KHDRBS2: variants seen among roughly 807,000 people sequenced by gnomAD.
KHDRBS2 encodes the protein KH RNA binding domain containing, signal transduction associated 2.
In KHDRBS2, 26 loss-of-function variants were observed where a neutral mutation model predicts 44.3. The observed-to-expected ratio is 0.59, with a 90% confidence interval of 0.43 to 0.81. KHDRBS2 has a LOEUF of 0.81. Ranked by LOEUF, KHDRBS2 falls within the 40% of genes least tolerant of loss-of-function variation. KHDRBS2 has a pLI of 0.00. For missense variants in KHDRBS2, 476 were observed against 433.1 expected (o/e 1.10, Z -0.88); for synonymous variants, 194 against 151.1 (o/e 1.28, Z -2.08).
intron 7 of KHDRBS2, among the ~76,000 whole-genome samples, chr6:61,699,002 C>T (rs146120833): frequency 6.6e-6 from 1 of 152,190 alleles, no homozygotes; most frequent in Non-Finnish European, 1.5e-5. Context: ...TAAACAAACA[C>T]ACAAACACCC....
chr6:61,642,338 A>G, the KHDRBS2 span, among the ~76,000 whole-genome samples: 5 of 152,084 alleles, frequency 3.3e-5, no homozygotes, highest in Non-Finnish European at 7.4e-5. Context: ...ACTGAAATAC[A>G]TAACTCTTCA....
intron 2 of KHDRBS2, among the ~76,000 whole-genome samples, chr6:62,108,142 T>C (rs1803966480): frequency 6.6e-6 from 1 of 151,876 alleles, no homozygotes; most frequent in Non-Finnish European, 1.5e-5. Flanking sequence ...GAAACTACCA[T>C]CAGAGTGAAC....
At chr6:61,570,645 G>GA in the KHDRBS2 span, among the ~76,000 whole-genome samples, 7 of 152,090 alleles carry the variant, frequency 4.6e-5, no homozygotes, top group East Asian at 5.8e-4. Context: ...CAAGATGAAG[G>GA]AAATAATTTA....
chr6:61,832,296 A>C (rs1371650220), intron 6 of KHDRBS2, among the ~76,000 whole-genome samples: 1 of 152,172 alleles, frequency 6.6e-6, no homozygotes, highest in African/African-American at 2.4e-5. Context: ...TATCACAATA[A>C]ATATATGTTT....
chr6:62,147,429 T>C (rs1364659910), intron 2 of KHDRBS2, among the ~76,000 whole-genome samples: 2 of 151,888 alleles, frequency 1.3e-5, no homozygotes, highest in Non-Finnish European at 2.9e-5. Context: ...AGAGAAAACA[T>C]ACCACTTCCC....
At chr6:61,912,950 T>A (rs1806318854) in intron 4 of KHDRBS2, among the ~76,000 whole-genome samples, 1 of 152,166 alleles carries the variant, frequency 6.6e-6, no homozygotes, top group South Asian at 2.1e-4. Flanking sequence ...TCTCTTGGAA[T>A]CACTCTCAAT....
At position 62,007,729 on chromosome 6, in the gene KHDRBS2, G is replaced by A. The variant is rs147472673; in HGVS notation, c.337-29517C>T. Among the ~76,000 whole-genome samples the A allele has an allele frequency of 3.1e-3, 476 of 152,100 alleles. 8 individuals carry two copies. The highest frequency in any genetic ancestry group is 0.029 in the Admixed American group (440 of 15,262). The stretch of plus-strand genomic sequence containing the variant: ...GAAATTTAGTGGCTGAAAAATAGAT[G>A]TATAGTCAACGAGGAGGCTTTTCAC... On this transcript the variant is annotated intron_variant, in intron 3 of 8. Transcript: ENST00000281156.
intron 6 of KHDRBS2, among the ~76,000 whole-genome samples, chr6:61,812,407 G>T (rs1562230463): frequency 6.6e-6 from 1 of 152,058 alleles, no homozygotes; most frequent in Non-Finnish European, 1.5e-5. Context: ...CTTATTAAAT[G>T]CCAGACCTTT....
chr6:62,063,894 C>T (rs1317507283), intron 2 of KHDRBS2, among the ~76,000 whole-genome samples: 2 of 136,526 alleles, frequency 1.5e-5, no homozygotes, highest in Non-Finnish European at 3.1e-5. Flanking sequence ...TTGTCTCAGC[C>T]CAAAATCTCC....
At position 61,940,230 on chromosome 6, in the gene KHDRBS2, T is replaced by C. The variant is rs1811867349; in HGVS notation, c.483+37836A>G. On this transcript the variant is annotated intron_variant, in intron 4 of 8. Transcript: ENST00000281156. ...AAGGTCTTTGAAAATAGTGTAGTGG[T>C]AAATAAAAGTTCAAAAAAAAAAAAG... 2.3e-5 allele frequency among the ~76,000 whole-genome samples: 3 copies of C among 132,872 alleles called. No homozygotes were observed. The South Asian group carries it at 7.1e-4, about 31-fold the overall frequency. 87.2% of individuals were successfully genotyped at this position (132,872 alleles called of 152,430 possible).
At chr6:61,739,860 A>G (rs1775905358) in intron 6 of KHDRBS2, among the ~76,000 whole-genome samples, 1 of 151,978 alleles carries the variant, frequency 6.6e-6, no homozygotes, top group Non-Finnish European at 1.5e-5. Context: ...AAAAGAGCAC[A>G]GATTCTAACA....
At chr6:61,592,041 A>T in the KHDRBS2 span, among the ~76,000 whole-genome samples, 1 of 151,828 alleles carries the variant, frequency 6.6e-6, no homozygotes, top group Non-Finnish European at 1.5e-5. Flanking sequence ...AACAGAAAAA[A>T]CTAGCCCAGT....
rs536132505 is a variant in KHDRBS2, at chr6:61,865,255, C to T, written c.810+29380G>A. ...GCAAAGTTCATTTTTATTCACATTC[C>T]GAAGCCTACTATATTAGTCTCTTTT... is the stretch of plus-strand genomic sequence containing the variant. On this transcript the variant is annotated intron_variant, in intron 6 of 8. Coordinates refer to ENST00000281156, the MANE Select transcript of KHDRBS2 (RefSeq NM_152688.4). 4.6e-5 allele frequency among the ~76,000 whole-genome samples: 7 copies of T among 152,084 alleles called. No individual in the cohort carries two copies. In the East Asian group the frequency reaches 9.7e-4, roughly 21 times the overall value.
At chr6:61,903,000 T>G (rs1268792231) in intron 4 of KHDRBS2, among the ~76,000 whole-genome samples, 2 of 152,222 alleles carry the variant, frequency 1.3e-5, no homozygotes, top group African/African-American at 2.4e-5. Context: ...CAGCACCTGA[T>G]TATAGTGATA....
chr6:61,910,324 G>A (rs1162685499), intron 4 of KHDRBS2, among the ~76,000 whole-genome samples: 1 of 152,202 alleles, frequency 6.6e-6, no homozygotes, highest in Non-Finnish European at 1.5e-5. Flanking sequence ...TGTAGTCAAA[G>A]AGCAGTCAAT....
chr6:61,834,150 A>G (rs756717975), intron 6 of KHDRBS2, among the ~76,000 whole-genome samples: 5 of 152,142 alleles, frequency 3.3e-5, no homozygotes, highest in Middle Eastern at 3.4e-3. Context: ...TAAATCATAC[A>G]TATTATTTCT....
chr6:61,829,854 A>G (rs1228969260), intron 6 of KHDRBS2, among the ~76,000 whole-genome samples: 1 of 152,158 alleles, frequency 6.6e-6, no homozygotes, highest in East Asian at 1.9e-4. Flanking sequence ...GGAGTGAGAG[A>G]ACAAAAGGTG....
At chr6:61,738,840 A>G (rs751295919) in intron 6 of KHDRBS2, among the ~76,000 whole-genome samples, 1 of 151,944 alleles carries the variant, frequency 6.6e-6, no homozygotes, top group Non-Finnish European at 1.5e-5. Context: ...CAAATCTAAT[A>G]CTGGCTCTGC....
At chr6:61,970,356 A>G (rs1771098032) in intron 4 of KHDRBS2, among the ~76,000 whole-genome samples, 1 of 152,070 alleles carries the variant, frequency 6.6e-6, no homozygotes, top group Non-Finnish European at 1.5e-5. Context: ...TTAAAAAAAA[A>G]ATCCCATCAT....
Sources: allele counts gnomAD v4.1 joint callset (sites outside exome capture counted in the v4.1 genomes callset), GRCh38; gene constraint gnomAD v4.1.1; transcripts MANE v1.5; gene names NCBI Gene and HGNC (gene_info 2026-07-23, HGNC 2026-07-21).